TPTE2: variants seen among roughly 807,000 people sequenced by gnomAD.
TPTE2 encodes the protein phosphatidylinositol 3,4,5-trisphosphate 3-phosphatase TPTE2.
A neutral mutation model predicts 78.6 loss-of-function variants in TPTE2; 53 were observed. That is an observed-to-expected ratio of 0.67 (90% CI 0.54 to 0.85). TPTE2 has a LOEUF of 0.85. Ranked by LOEUF, TPTE2 falls within the 40% of genes least tolerant of loss-of-function variation. The probability of loss-of-function intolerance (pLI) is 0.00; values close to 1 mark genes in which losing one functional copy is unlikely to be tolerated. For synonymous variants in TPTE2, 175 were observed against 206.2 expected, an observed-to-expected ratio of 0.85 and a Z score of 1.30; for missense variants, 461 against 623.0, an observed-to-expected ratio of 0.74 and a Z score of 2.77.
upstream of TPTE2, among the ~76,000 whole-genome samples, chr13:19,540,249 T>C (rs1396044576): frequency 6.6e-6 from 1 of 151,348 alleles, no homozygotes; most frequent in East Asian, 1.9e-4. Flanking sequence ...TGAGTCTCTT[T>C]ATTCTAGAAC....
At chr13:19,546,765 C>A in the TPTE2 span, among the ~76,000 whole-genome samples, 1 of 151,878 alleles carries the variant, frequency 6.6e-6, no homozygotes, top group African/African-American at 2.4e-5. Flanking sequence ...GCTGGGACTA[C>A]AGGCATGAGC....
chr13:19,514,834 T>C (rs1435258262), intron 1 of TPTE2, among the ~76,000 whole-genome samples: 1 of 152,154 alleles, frequency 6.6e-6, no homozygotes, highest in Non-Finnish European at 1.5e-5. Flanking sequence ...TGTTTTCTTT[T>C]TGTCTGGATT....
At chr13:19,476,966 A>T (rs1169617335) in intron 4 of TPTE2, among the ~76,000 whole-genome samples, 4 of 152,162 alleles carry the variant, frequency 2.6e-5, no homozygotes, top group African/African-American at 9.7e-5. Flanking sequence ...CAACCTAGGT[A>T]CCCATCAATG....
intron 1 of TPTE2, among the ~76,000 whole-genome samples, chr13:19,514,588 T>TGA (rs1318770128): frequency 2.2e-5 from 3 of 135,542 alleles, no homozygotes; most frequent in African/African-American, 9.4e-5. Flanking sequence ...CCAGTACTTC[T>TGA]GAGAGTGTGT....
chr13:19,503,792 G>A (rs1469764801), upstream of TPTE2, among the ~76,000 whole-genome samples: 1 of 152,178 alleles, frequency 6.6e-6, no homozygotes, highest in Non-Finnish European at 1.5e-5. Flanking sequence ...CATTTCTAGG[G>A]TTGTTAGCTT....
At chr13:19,561,062 C>T in the TPTE2 span, 1 of 1,582,500 alleles carries the variant, frequency 6.3e-7, no homozygotes. Context: ...CAGCTTCCCA[C>T]CGCCCTGCTC....
intron 1 of TPTE2, among the ~76,000 whole-genome samples, chr13:19,510,913 G>A (rs1446615245): frequency 1.3e-5 from 2 of 152,130 alleles, no homozygotes; most frequent in Non-Finnish European, 2.9e-5. Context: ...AAAACATAAT[G>A]CAATATGTTA....
At chr13:19,452,357 T>C (rs745510505) in intron 10 of TPTE2, among the ~76,000 whole-genome samples, 5 of 152,158 alleles carry the variant, frequency 3.3e-5, no homozygotes, top group Non-Finnish European at 7.4e-5. Flanking sequence ...TTTGACTTCA[T>C]AAAAATCTGA....
chr13:19,539,316 G>A (rs2137764872), upstream of TPTE2, among the ~76,000 whole-genome samples: 1 of 152,344 alleles, frequency 6.6e-6, no homozygotes, highest in South Asian at 2.1e-4. Context: ...GGGACCTGAT[G>A]GGAGGTAACT....
At chr13:19,505,351 G>C (rs1428009245), upstream of TPTE2, among the ~76,000 whole-genome samples, 1 of 152,080 alleles carries the variant, frequency 6.6e-6, no homozygotes, top group African/African-American at 2.4e-5. Flanking sequence ...ATGTTGGTCA[G>C]GCTGGTCTCA....
At chr13:19,443,414 T>G (rs9319433) in intron 13 of TPTE2, among the ~76,000 whole-genome samples, 2 of 137,626 alleles carry the variant, frequency 1.5e-5, no homozygotes, top group Admixed American at 1.5e-4. Flanking sequence ...TTTTTTTTGT[T>G]TCATTTTTTC....
At chr13:19,483,671 T>G (rs1208588025) in intron 3 of TPTE2, among the ~76,000 whole-genome samples, 1 of 152,174 alleles carries the variant, frequency 6.6e-6, no homozygotes, top group African/African-American at 2.4e-5. Context: ...TTTTAACAAT[T>G]TGGGGTTTGG....
intron 10 of TPTE2, among the ~76,000 whole-genome samples, chr13:19,457,049 G>T (rs1009967929): frequency 6.6e-6 from 1 of 152,084 alleles, no homozygotes; most frequent in Non-Finnish European, 1.5e-5. Context: ...TGCAATAAAC[G>T]CACCTCTGCA....
chr13:19,465,579 A>T lies in TPTE2; in HGVS notation c.513-15T>A, dbSNP rs1879221254. The T allele has an allele frequency of 6.4e-7, 1 of 1,570,524 alleles. No individual in the cohort carries two copies. Among genetic ancestry groups the T allele is most frequent in the Non-Finnish European group, 8.6e-7 (1 of 1,161,076 alleles). On this transcript the variant is annotated splice_polypyrimidine_tract_variant and intron_variant, in intron 7 of 19. Transcript: ENST00000400230. The stretch of plus-strand genomic sequence containing the variant: ...AATGTGTCCATCTAACAATAAATTT[A>T]AAAGATCCATTTTTGCTTCAGAAAC...
chr13:19,439,361 A>T (rs1877338967), intron 13 of TPTE2, among the ~76,000 whole-genome samples: 1 of 152,082 alleles, frequency 6.6e-6, no homozygotes, highest in African/African-American at 2.4e-5. Context: ...CAAAGCCAAA[A>T]GACCCTACCC....
chr13:19,439,479 A>G (rs1021341791), intron 13 of TPTE2, among the ~76,000 whole-genome samples: 1 of 152,134 alleles, frequency 6.6e-6, no homozygotes, highest in African/African-American at 2.4e-5. Context: ...TACCCAAACA[A>G]AAATAATTAC....
intron 3 of TPTE2, among the ~76,000 whole-genome samples, chr13:19,492,410 T>C (rs1373687633): frequency 2.0e-5 from 3 of 152,152 alleles, no homozygotes; most frequent in African/African-American, 7.2e-5. Flanking sequence ...ATGTTGCAAA[T>C]AGGATTCTCT....
intron 10 of TPTE2, among the ~76,000 whole-genome samples, chr13:19,455,293 C>T (rs1186626175): frequency 1.3e-5 from 2 of 152,180 alleles, no homozygotes; most frequent in Admixed American, 6.5e-5. Context: ...AAATGCTTCC[C>T]TGCCTGAGAA....
intron 10 of TPTE2, among the ~76,000 whole-genome samples, chr13:19,459,752 G>C (rs1566049339): frequency 6.6e-6 from 1 of 152,218 alleles, no homozygotes; most frequent in Non-Finnish European, 1.5e-5. Flanking sequence ...CCTGCTTAAA[G>C]AAGCAGTCTG....
Sources: gnomAD v4.1 joint callset for allele counts (sites outside exome capture counted in the v4.1 genomes callset) on GRCh38, gnomAD v4.1.1 for gene constraint, MANE v1.5 for transcripts, NCBI Gene and HGNC (gene_info 2026-07-23, HGNC 2026-07-21) for gene names.